RNF144B: variants seen among roughly 807,000 people sequenced by gnomAD.
The protein encoded by RNF144B is E3 ubiquitin-protein ligase RNF144B.
RNF144B carries 25 observed loss-of-function variants against 40.2 expected under a neutral mutation model. The ratio of observed to expected loss-of-function variants is 0.62; its 90% confidence interval spans 0.45 to 0.87. The LOEUF is 0.87. RNF144B is among the 40% of genes least tolerant of loss of function. The pLI is 0.00. For synonymous variants in RNF144B, 145 were observed against 136.3 expected (o/e 1.06, Z -0.44); for missense variants, 365 against 373.7 (o/e 0.98, Z 0.19).
chr6:18,464,855 C>T lies in RNF144B; in HGVS notation c.772-72C>T. Reference sequence around the variant, plus strand: ...CAAACATTTGGCCCACAGCAGATAACAGTATAGTTGGAATAAGTATACATA... The same window carrying T: ...CAAACATTTGGCCCACAGCAGATAATAGTATAGTTGGAATAAGTATACATA... On this transcript the variant is annotated intron_variant, in intron 7 of 7. Coordinates refer to ENST00000259939, the MANE Select transcript of RNF144B (RefSeq NM_182757.4). This position sits in a 1 kb window ranked among gnomAD's most constrained non-coding sequence, Gnocchi z 6.1. 6.9e-7 allele frequency: 1 copy of T among 1,449,158 alleles called. No homozygotes were observed. The allele number at this position is 1,449,158 out of a possible 1,614,324, so 89.8% of individuals were successfully genotyped here.
chr6:18,413,410 A>G (rs1396025978), intron 2 of RNF144B, among the ~76,000 whole-genome samples: 1 of 152,130 alleles, frequency 6.6e-6, no homozygotes, highest in African/African-American at 2.4e-5. Context: ...TTCAGAGAAC[A>G]GAAAGTATGT....
Position 18,467,214 on chromosome 6 carries a change from A to G in RNF144B, c.*2147A>G. 6.6e-6 allele frequency: 1 copy of G among 152,582 alleles called. No individual in the cohort carries two copies. Among genetic ancestry groups the G allele is most frequent in the East Asian group, 1.9e-4 (1 of 5,194 alleles). The allele number at this position is 152,582 out of a possible 1,614,324, so 9.5% of individuals were successfully genotyped here. ...AAAGTCCTCTGTCAGTAAACTCTTT[A>G]AGCTTGGTGCTGCAAAGAGTCTTTA... On this transcript the variant is annotated 3_prime_UTR_variant, in exon 8 of 8. Coordinates refer to ENST00000259939, the MANE Select transcript of RNF144B (RefSeq NM_182757.4).
intron 3 of RNF144B, among the ~76,000 whole-genome samples, chr6:18,430,009 A>G (rs1331648302): frequency 6.6e-6 from 1 of 152,224 alleles, no homozygotes; most frequent in African/African-American, 2.4e-5. Context: ...CTGCTATGAA[A>G]TCTTAGTGAA....
rs59026530 is a variant in RNF144B, at chr6:18,430,657, A to AT, written c.270+2987dup. 5.0e-3 allele frequency among the ~76,000 whole-genome samples: 740 copies of AT among 148,170 alleles called. 8 individuals are homozygous for AT. The highest frequency in any genetic ancestry group is 0.016 in the African/African-American group (645 of 40,046). On this transcript the variant is annotated intron_variant, in intron 3 of 7. Coordinates refer to ENST00000259939, the MANE Select transcript of RNF144B (RefSeq NM_182757.4). ...CACCACCATGCCTGGCTAATTTTTAATTTTTTTTTTTTTTTAAAGAGAGGG... is the reference window on the plus strand; with the variant it reads ...CACCACCATGCCTGGCTAATTTTTAATTTTTTTTTTTTTTTTAAAGAGAGGG...
rs199546027 is a variant in RNF144B at position 18,465,023 on chromosome 6, T to C, written c.868T>C (p.Ser290Pro). 9.3e-6 allele frequency: 15 copies of C among 1,613,866 alleles called. No homozygotes were observed. Among genetic ancestry groups the C allele is most frequent in the Non-Finnish European group, 1.3e-5 (15 of 1,179,924 alleles). The change falls in exon 8 of 8, where the codon TCC becomes CCC. Residue 290 changes from serine to proline, a missense_variant. Coordinates refer to ENST00000259939, the MANE Select transcript of RNF144B (RefSeq NM_182757.4). The part of the protein sequence containing the change: ...SPCIICCVCK[S>P]CRGKKKKHDP... ...ATGTATAATCTGTTGTGTCTGCAAG[T>C]CCTGTCGGGGCAAGAAGAAAAAGCA...
chr6:18,465,327 C>G lies in RNF144B; in HGVS notation c.*260C>G, dbSNP rs990990384. 6.2e-6 allele frequency: 3 copies of G among 485,796 alleles called. No individual in the cohort carries two copies. The highest frequency in any genetic ancestry group is 5.8e-5 in the African/African-American group (3 of 51,670). 30.1% of individuals were successfully genotyped at this position (485,796 alleles called of 1,614,324 possible). Reference sequence around the variant, plus strand: ...GGTTCCTTGAGATGAATGAACATATCATTTTATCATCCAAAGGATCTCACT... The same window carrying G: ...GGTTCCTTGAGATGAATGAACATATGATTTTATCATCCAAAGGATCTCACT... On this transcript the variant is annotated 3_prime_UTR_variant, in exon 8 of 8. Transcript: ENST00000259939.
chr6:18,416,453 T>C lies in RNF144B; in HGVS notation c.166-11128T>C, dbSNP rs533630001. On this transcript the variant is annotated intron_variant, in intron 2 of 7. Transcript: ENST00000259939. This position sits in a 1 kb window ranked among gnomAD's most constrained non-coding sequence, Gnocchi z 5.5. ...TTTCTCTTCAGAGCTATTTCTGTCA[T>C]AGAGTTTCTTAATTTAGATATTTCA... 2.0e-5 allele frequency among the ~76,000 whole-genome samples: 3 copies of C among 152,212 alleles called. No homozygotes were observed. The highest frequency in any genetic ancestry group is 6.5e-5 in the Admixed American group (1 of 15,274).
rs527135 is a variant in RNF144B at position 18,466,446 on chromosome 6, A to T, written c.*1379A>T. ...AAATAAAATAGAAATGCTTTATATAATTTAGTTTAAATTTATGTATCACCT... is the reference window on the plus strand; with the variant it reads ...AAATAAAATAGAAATGCTTTATATATTTTAGTTTAAATTTATGTATCACCT... On this transcript the variant is annotated 3_prime_UTR_variant, in exon 8 of 8. Coordinates refer to ENST00000259939, the MANE Select transcript of RNF144B (RefSeq NM_182757.4). The T allele has an allele frequency of 0.96, 146,188 of 152,552 alleles. 70,189 individuals are homozygous for T. Among genetic ancestry groups the T allele is most frequent in the Non-Finnish European group, 0.99 (67,485 of 68,038 alleles). The allele number at this position is 152,552 out of a possible 1,614,324, so 9.4% of individuals were successfully genotyped here. A position where few individuals can be genotyped will look rare whatever the true frequency, so the allele number is the denominator to read the frequency against.
intron 1 of RNF144B, among the ~76,000 whole-genome samples, chr6:18,389,414 C>A (rs1228907598): frequency 7.9e-5 from 12 of 152,178 alleles, no homozygotes; most frequent in Admixed American, 5.9e-4. Context: ...TGAAAAACGT[C>A]TTTCTCCTCA....
In RNF144B at chr6:18,456,874, C is replaced by A. The variant is rs1759339810; in HGVS notation, c.332-281C>A. 6.6e-6 allele frequency among the ~76,000 whole-genome samples: 1 copy of A among 152,078 alleles called. No individual in the cohort carries two copies. Among genetic ancestry groups the A allele is most frequent in the African/African-American group, 2.4e-5 (1 of 41,410 alleles). On this transcript the variant is annotated intron_variant, in intron 4 of 7. Coordinates refer to ENST00000259939, the MANE Select transcript of RNF144B (RefSeq NM_182757.4). The surrounding 1 kb of genome is among the most constrained non-coding windows in gnomAD (Gnocchi z 4.7). ...GGTCAGGAATTCGAGATCAGCCTGG[C>A]CAACAAGGTGAAACCTGTCTCTACT...
chr6:18,439,308 T>G (rs34933497), intron 3 of RNF144B, among the ~76,000 whole-genome samples: 19,418 of 152,222 alleles, frequency 0.13, 1,400 homozygotes, highest in Admixed American at 0.19. Flanking sequence ...AGCTAGAACT[T>G]TAATTTCAAA....
chr6:18,399,792 G>A, intron 2 of RNF144B, 93 bp downstream of exon 2: 1 of 1,000,624 alleles, frequency 1.0e-6, no homozygotes, highest in Admixed American at 2.2e-5. Flanking sequence ...AGAAACCAGA[G>A]TGTGCTACAA....
intron 2 of RNF144B, among the ~76,000 whole-genome samples, chr6:18,409,343 A>C (rs1651492827): frequency 8.0e-6 from 1 of 125,442 alleles, no homozygotes; most frequent in Admixed American, 1.1e-4. Flanking sequence ...TTGCCACTGC[A>C]CTCCAGCCCG....
chr6:18,463,142 A>T, intron 6 of RNF144B, 149 bp from the exon 7 acceptor site: 1 of 586,284 alleles, frequency 1.7e-6, no homozygotes, highest in South Asian at 2.1e-5. Context: ...AACTACCAAG[A>T]TAAAGATTAC....
At chr6:18,423,319 A>C (rs986867256) in intron 2 of RNF144B, among the ~76,000 whole-genome samples, 3 of 152,138 alleles carry the variant, frequency 2.0e-5, no homozygotes, top group African/African-American at 7.2e-5. Context: ...GCTGGAATCC[A>C]GTTTCATTGG....
rs1191251614 is a variant in RNF144B, at chr6:18,439,716, A to G, written c.303A>G (p.Gln101=). ...GTTTGGTACCTGTGGACCAGTTTCA[A>G]CTTTATCAGAGGTTAAAATTTGAAA... ...IACLVPVDQF[Q]LYQRLKFERE... The change falls in exon 4 of 8, where the codon CAA becomes CAG. Residue 101 remains glutamine (Q), a synonymous_variant. Coordinates refer to ENST00000259939, the MANE Select transcript of RNF144B (RefSeq NM_182757.4). 1 of 1,612,686 alleles carries G rather than the reference A, an allele frequency of 6.2e-7. No individual in the cohort carries two copies. Among genetic ancestry groups the G allele is most frequent in the South Asian group, 1.1e-5 (1 of 91,034 alleles).
At chr6:18,413,132 T>G (rs1240855077) in intron 2 of RNF144B, among the ~76,000 whole-genome samples, 1 of 152,184 alleles carries the variant, frequency 6.6e-6, no homozygotes, top group Non-Finnish European at 1.5e-5. Flanking sequence ...CATCATAGTG[T>G]CGTTTGGAAG....
Position 18,399,523 on chromosome 6 carries a change from G to A in RNF144B, c.-12G>A. ...GGGATTGAGGAGACTGAAGAATGCT[G>A]AAGACAGGCTGATGGGCTCAGCTGG... On this transcript the variant is annotated 5_prime_UTR_variant, in exon 2 of 8. Coordinates refer to ENST00000259939, the MANE Select transcript of RNF144B (RefSeq NM_182757.4). 6.2e-7 allele frequency: 1 copy of A among 1,613,762 alleles called. No individual in the cohort carries two copies. Among genetic ancestry groups the A allele is most frequent in the South Asian group, 1.1e-5 (1 of 91,044 alleles).
intron 6 of RNF144B, among the ~76,000 whole-genome samples, 154 bp from the exon 7 acceptor site, chr6:18,463,137 C>G (rs1426465884): frequency 6.6e-6 from 1 of 152,038 alleles, no homozygotes; most frequent in Non-Finnish European, 1.5e-5. Context: ...TACAAAACTA[C>G]CAAGATAAAG....
Sources: allele counts gnomAD v4.1 joint callset (sites outside exome capture counted in the v4.1 genomes callset), GRCh38; gene constraint gnomAD v4.1.1; non-coding constraint Gnocchi (gnomAD v3.1); transcripts MANE v1.5; gene names NCBI Gene and HGNC (gene_info 2026-07-23, HGNC 2026-07-21).